Variants in OXR1 observed in about 807,000 individuals in gnomAD.
OXR1 encodes the protein oxidation resistance 1.
OXR1 carries 41 observed loss-of-function variants against 104.6 expected under a neutral mutation model. The observed-to-expected ratio is 0.39, with a 90% CI of 0.31 to 0.51. The LOEUF (loss-of-function observed/expected upper bound fraction) is 0.51, where lower values mean the gene tolerates loss of function less well. OXR1 is among the 20% of genes least tolerant of loss of function. The probability of loss-of-function intolerance (pLI) is 0.77; values close to 1 mark genes in which losing one functional copy is unlikely to be tolerated. For missense variants in OXR1, 955 were observed against 1,031.9 expected (o/e 0.93, Z 1.02); for synonymous variants, 348 against 348.4 (o/e 1.00, Z 0.01).
chr8:106,618,255 G>T, intron 3 of OXR1: 1 of 1,188,750 alleles, frequency 8.4e-7, no homozygotes, highest in Non-Finnish European at 1.2e-6. Flanking sequence ...GACATTAAAG[G>T]GCACACTTTA....
chr8:106,693,683 G>A (rs542763985), intron 7 of OXR1, among the ~76,000 whole-genome samples: 10 of 151,946 alleles, frequency 6.6e-5, no homozygotes, highest in South Asian at 2.1e-4. Flanking sequence ...CACTTGCCTC[G>A]GCCTCCCAAA....
chr8:106,591,981 C>T (rs190349891), intron 3 of OXR1, among the ~76,000 whole-genome samples: 5 of 152,336 alleles, frequency 3.3e-5, no homozygotes, highest in Admixed American at 2.0e-4. Flanking sequence ...CTGCCTGATA[C>T]ATCGTTTTCC....
At chr8:106,708,309 GA>G (rs1262926152) in intron 9 of OXR1, among the ~76,000 whole-genome samples, 3 of 152,090 alleles carry the variant, frequency 2.0e-5, no homozygotes, top group Non-Finnish European at 4.4e-5. Context: ...TAAGATGGGA[GA>G]ATTGATTGAA....
rs1345495287 is a variant in OXR1 at position 106,684,190 on chromosome 8, A to T, written c.412-56A>T. 4 of 839,062 alleles carry T rather than the reference A, an allele frequency of 4.8e-6. No individual in the cohort carries two copies. The Admixed American group carries it at 5.8e-5, about 12-fold the overall frequency. 52.0% of individuals were successfully genotyped at this position (839,062 alleles called of 1,614,324 possible). On this transcript the variant is annotated intron_variant, in intron 5 of 16. Coordinates refer to ENST00000517566, the MANE Select transcript of OXR1 (RefSeq NM_001198533.2). The stretch of plus-strand genomic sequence containing the variant: ...TAATAGTGCTTGCTTATAGAACACC[A>T]TCTAATTATTAACACTTCATTTTAA...
intron 3 of OXR1, among the ~76,000 whole-genome samples, chr8:106,640,037 C>T (rs1293785454): frequency 6.6e-6 from 1 of 152,150 alleles, no homozygotes; most frequent in Non-Finnish European, 1.5e-5. Context: ...GAATGTCTTA[C>T]TTTGGTTTAT....
chr8:106,488,035 A>C (rs747572642), intron 2 of OXR1, among the ~76,000 whole-genome samples: 5,965 of 146,502 alleles, frequency 0.041, 495 homozygotes, highest in African/African-American at 0.15. Flanking sequence ...TTACAGTCCC[A>C]CCAACAGTGT....
chr8:106,466,257 G>T (rs1821164329), intron 2 of OXR1, among the ~76,000 whole-genome samples: 1 of 151,870 alleles, frequency 6.6e-6, no homozygotes, highest in Admixed American at 6.6e-5. Flanking sequence ...GAAATTCAGT[G>T]TTCATAGTAT....
intron 1 of OXR1, among the ~76,000 whole-genome samples, chr8:106,298,353 C>T (rs181105897): frequency 4.1e-4 from 63 of 152,224 alleles, no homozygotes; most frequent in South Asian, 2.1e-4. Context: ...GAACGTGTGC[C>T]GGGGAACTGC....
In OXR1 at chr8:106,339,524, A is replaced by T. The variant is rs1256909274; in HGVS notation, c.-138-19952A>T. Among the ~76,000 whole-genome samples, 37 of 18,864 alleles carry T rather than the reference A, an allele frequency of 2.0e-3. 1 individual carries two copies. The highest frequency in any genetic ancestry group is 7.8e-3 in the South Asian group (4 of 510). The allele number at this position is 18,864 out of a possible 152,430, so 12.4% of individuals were successfully genotyped here. ...AAAAAAAAAAAAAAAAAAAAAATAT[A>T]TATATATATATATATATATATATAT... On this transcript the variant is annotated intron_variant, in intron 1 of 16. Coordinates refer to ENST00000517566, the MANE Select transcript of OXR1 (RefSeq NM_001198533.2).
At chr8:106,524,111 G>A (rs1813471685) in intron 3 of OXR1, among the ~76,000 whole-genome samples, 1 of 152,068 alleles carries the variant, frequency 6.6e-6, no homozygotes, top group Non-Finnish European at 1.5e-5. Context: ...ATTATTGTTT[G>A]TGTTACATAA....
chr8:106,657,966 C>T (rs946060949), intron 3 of OXR1: 3 of 1,248,314 alleles, frequency 2.4e-6, no homozygotes, highest in Non-Finnish European at 3.0e-6. Flanking sequence ...GCCCCAGTTC[C>T]GCGTCCAGCC....
chr8:106,425,083 GTTTTTTTTTTTTT>G (rs748444311), intron 2 of OXR1, among the ~76,000 whole-genome samples: 1 of 83,660 alleles, frequency 1.2e-5, no homozygotes, highest in Non-Finnish European at 2.2e-5. Context: ...GTTTGGTTTG[GTTTTTTTTTTTTT>G]TTTTTTTTTT....
Position 106,600,478 on chromosome 8 carries a change from G to A in OXR1, c.221-78732G>A, listed in dbSNP as rs980927777. On this transcript the variant is annotated intron_variant, in intron 3 of 16. Coordinates refer to ENST00000517566, the MANE Select transcript of OXR1 (RefSeq NM_001198533.2). ...GCAATTCCAGTTGCAAGAATTTTGGGGGACTGTCAAGTCCTTTGCCAATCA... is the reference window on the plus strand; with the variant it reads ...GCAATTCCAGTTGCAAGAATTTTGGAGGACTGTCAAGTCCTTTGCCAATCA... Among the ~76,000 whole-genome samples the A allele has an allele frequency of 2.0e-5, 3 of 152,072 alleles. No homozygotes were observed. In the South Asian group the frequency reaches 6.2e-4, roughly 32 times the overall value.
chr8:106,741,503 C>A (rs773932050), intron 14 of OXR1, among the ~76,000 whole-genome samples: 4 of 152,046 alleles, frequency 2.6e-5, no homozygotes, highest in Non-Finnish European at 5.9e-5. Context: ...GTTTTGTGTA[C>A]TTTTCTATAA....
chr8:106,482,416 G>GAA (rs113795775), intron 2 of OXR1, among the ~76,000 whole-genome samples: 11 of 42,802 alleles, frequency 2.6e-4, no homozygotes, highest in South Asian at 1.8e-3. Flanking sequence ...AGGAACTGGG[G>GAA]GAAAAAAAAA....
At chr8:106,676,499 T>C (rs1486703033) in intron 3 of OXR1, among the ~76,000 whole-genome samples, 1 of 152,170 alleles carries the variant, frequency 6.6e-6, no homozygotes, top group Admixed American at 6.6e-5. Flanking sequence ...TGCTAACCAG[T>C]ACTCTTGGCA....
At chr8:106,703,115 TG>T (rs1830731094) in intron 8 of OXR1, 25 bp downstream of exon 8, 1 of 1,506,574 alleles carries the variant, frequency 6.6e-7, no homozygotes, top group Non-Finnish European at 9.2e-7. Flanking sequence ...TATATTCCTT[TG>T]CAACTTTATT....
chr8:106,576,443 C>A (rs1311598142), intron 3 of OXR1, among the ~76,000 whole-genome samples: 3 of 123,970 alleles, frequency 2.4e-5, no homozygotes, highest in Admixed American at 1.9e-4. Flanking sequence ...GTTATTTGTG[C>A]TTATAATGGT....
Position 106,396,303 on chromosome 8 carries a change from C to A in OXR1, c.23+36667C>A, listed in dbSNP as rs541253776. ...GTAACTTTACAGTAGAGAAACCTGACACACACCGCCTGAGCCAAGTGATCA... is the reference window on the plus strand; with the variant it reads ...GTAACTTTACAGTAGAGAAACCTGAAACACACCGCCTGAGCCAAGTGATCA... On this transcript the variant is annotated intron_variant, in intron 2 of 16. Transcript: ENST00000517566. Among the ~76,000 whole-genome samples the A allele has an allele frequency of 2.2e-4, 34 of 152,044 alleles. No homozygotes were observed. In the South Asian group the frequency reaches 5.8e-3, roughly 26 times the overall value.
Sources: allele counts gnomAD v4.1 joint callset (sites outside exome capture counted in the v4.1 genomes callset), GRCh38; gene constraint gnomAD v4.1.1; transcripts MANE v1.5; gene names NCBI Gene and HGNC (gene_info 2026-07-23, HGNC 2026-07-21).